Variants in RDH10 observed in about 807,000 individuals in gnomAD.
RDH10 encodes the protein retinol dehydrogenase 10.
Under a neutral mutation model 30.2 loss-of-function variants are expected in RDH10, and 12 were observed. The ratio of observed to expected loss-of-function variants is 0.40; its 90% CI spans 0.25 to 0.64. RDH10 has a LOEUF of 0.64. Ranked by LOEUF, RDH10 falls within the 30% of genes least tolerant of loss-of-function variation. The pLI, the probability that RDH10 is intolerant of heterozygous loss-of-function variation, is 0.43. For missense variants in RDH10, 268 were observed against 445.2 expected, an observed-to-expected ratio of 0.60 and a Z score of 3.58; for synonymous variants, 189 against 172.2, an observed-to-expected ratio of 1.10 and a Z score of -0.76.
At chr8:73,300,187 A>C (rs1814351108) in intron 2 of RDH10, among the ~76,000 whole-genome samples, 1 of 152,226 alleles carries the variant, frequency 6.6e-6, no homozygotes, top group Admixed American at 6.5e-5. Context: ...TGAGTCAGAA[A>C]ATTCATTTTA....
At position 73,294,958 on chromosome 8, in the gene RDH10, A is replaced by C. The variant is rs1399707738; in HGVS notation, c.-332A>C. 7.7e-6 allele frequency: 3 copies of C among 391,800 alleles called. No individual in the cohort carries two copies. The highest frequency in any genetic ancestry group is 6.2e-5 in the African/African-American group (3 of 48,188). The allele number at this position is 391,800 out of a possible 1,614,324, so 24.3% of individuals were successfully genotyped here. The stretch of plus-strand genomic sequence containing the variant: ...GCCATGAGGGCAGTTCGAGTAGTCT[A>C]ACTCGCGGCTGTCACCGCCACTGCA... On this transcript the variant is annotated 5_prime_UTR_variant, in exon 1 of 6. The change abolishes the stop of an existing upstream ORF in the 5' untranslated region. Transcript: ENST00000240285.
In RDH10 at chr8:73,297,426, C is replaced by T; in HGVS notation, c.522C>T (p.Phe174=). ...RTMMVNCHAH[F]WTTKAFLPTM... ...TGATGGTCAATTGCCATGCACACTT[C>T]TGGGTAAATATAAACATCCTTGTTT... Residue 174 remains phenylalanine, a synonymous_variant, in exon 2 of 6, where the codon TTC becomes TTT. Transcript: ENST00000240285. The T allele has an allele frequency of 6.3e-7, 1 of 1,597,882 alleles. No homozygotes were observed. Among genetic ancestry groups the T allele is most frequent in the Admixed American group, 1.7e-5 (1 of 60,018 alleles).
In RDH10 at chr8:73,324,174, C is replaced by T. The variant is rs1814824397; in HGVS notation, c.*1138C>T. The T allele has an allele frequency of 6.6e-6, 1 of 152,590 alleles. No homozygotes were observed. Among genetic ancestry groups the T allele is most frequent in the Non-Finnish European group, 1.5e-5 (1 of 68,016 alleles). The allele number at this position is 152,590 out of a possible 1,614,324, so 9.5% of individuals were successfully genotyped here. On this transcript the variant is annotated 3_prime_UTR_variant, in exon 6 of 6. Coordinates refer to ENST00000240285, the MANE Select transcript of RDH10 (RefSeq NM_172037.5). ...AATGGGAACTTCTACATTGAAAAGT[C>T]CCCATTTTTGTGCCAACTATGATTA...
chr8:73,302,751 C>T (rs1814401528), intron 2 of RDH10, among the ~76,000 whole-genome samples: 1 of 152,216 alleles, frequency 6.6e-6, no homozygotes, highest in African/African-American at 2.4e-5. Context: ...GGTCTCCATG[C>T]AAACCCATGT....
intron 4 of RDH10, chr8:73,321,871 C>T (rs1388707847): frequency 2.2e-6 from 1 of 456,132 alleles, no homozygotes; most frequent in Non-Finnish European, 4.4e-6. Flanking sequence ...ATTTGAATCA[C>T]TCCAAAGTCA....
rs1814238931 is a variant in RDH10 at position 73,295,245 on chromosome 8, G to A, written c.-45G>A. ...AGCCCGATTGCCGGGCTCGGGGTGG[G>A]CGCGGACGCAGGCACTGGGCTCGTG... is the stretch of plus-strand genomic sequence containing the variant. On this transcript the variant is annotated 5_prime_UTR_variant, in exon 1 of 6. Transcript: ENST00000240285. The A allele has an allele frequency of 1.2e-5, 18 of 1,497,114 alleles. No homozygotes were observed. The highest frequency in any genetic ancestry group is 1.6e-5 in the Non-Finnish European group (18 of 1,126,808). 92.7% of individuals were successfully genotyped at this position (1,497,114 alleles called of 1,614,324 possible).
intron 2 of RDH10, chr8:73,312,899 G>A (rs900461699): frequency 6.6e-6 from 1 of 152,186 alleles, no homozygotes; most frequent in African/African-American, 2.4e-5. Flanking sequence ...TTTAAAAGAT[G>A]CCTTTTCTTG....
chr8:73,305,713 G>A (rs1276260570), intron 2 of RDH10, among the ~76,000 whole-genome samples: 2 of 152,174 alleles, frequency 1.3e-5, no homozygotes, highest in Non-Finnish European at 2.9e-5. Flanking sequence ...AGTTCCACTA[G>A]GGGGTGTACT....
Position 73,297,367 on chromosome 8 carries a change from C to T in RDH10, c.463C>T (p.Leu155=), listed in dbSNP as rs1206180050. Residue 155 remains leucine (L), a synonymous_variant, in exon 2 of 6, where the codon CTG becomes TTG. Coordinates refer to ENST00000240285, the MANE Select transcript of RDH10 (RefSeq NM_172037.5). ...NAGVVSGHHL[L]ECPDELIERT... ...TGGTGTGGTCTCTGGGCATCACCTT[C>T]TGGAATGTCCTGATGAGCTCATTGA... is the stretch of plus-strand genomic sequence containing the variant. 2 of 1,614,152 alleles carry T rather than the reference C, an allele frequency of 1.2e-6. No homozygotes were observed. Among genetic ancestry groups the T allele is most frequent in the South Asian group, 2.2e-5 (2 of 91,086 alleles).
At position 73,297,444 on chromosome 8, in the gene RDH10, C is replaced by T. The variant is rs761180561; in HGVS notation, c.525+15C>T. On this transcript the variant is annotated intron_variant, in intron 2 of 5. Transcript: ENST00000240285. ...CACACTTCTGGGTAAATATAAACAT[C>T]CTTGTTTTCTTTGCTGGGCCCTCCT... 9.6e-6 allele frequency: 15 copies of T among 1,563,448 alleles called. No individual in the cohort carries two copies. The highest frequency in any genetic ancestry group is 7.8e-5 in the South Asian group (7 of 89,944).
intron 3 of RDH10, among the ~76,000 whole-genome samples, chr8:73,319,617 A>C (rs1316543386): frequency 6.6e-6 from 1 of 152,272 alleles, no homozygotes; most frequent in Non-Finnish European, 1.5e-5. Flanking sequence ...CAAGAAAAGT[A>C]GATGGGCCAG....
At chr8:73,316,406 T>C (rs1814665454) in intron 2 of RDH10, among the ~76,000 whole-genome samples, 1 of 152,236 alleles carries the variant, frequency 6.6e-6, no homozygotes, top group Non-Finnish European at 1.5e-5. Context: ...GTATAAATTA[T>C]AGAGCCTAAA....
rs981354595 is a variant in RDH10, at chr8:73,323,343, A to C, written c.*307A>C. Reference sequence around the variant, plus strand: ...ATTTTTTAATGAGCAGGAAGTCTAGAAATGATAACTAGACTGTATGTTTCA... The same window carrying C: ...ATTTTTTAATGAGCAGGAAGTCTAGCAATGATAACTAGACTGTATGTTTCA... On this transcript the variant is annotated 3_prime_UTR_variant, in exon 6 of 6. Transcript: ENST00000240285. 3.1e-4 allele frequency: 79 copies of C among 257,198 alleles called. 1 individual carries two copies. The highest frequency in any genetic ancestry group is 4.1e-4 in the Admixed American group (9 of 21,860). 15.9% of individuals were successfully genotyped at this position (257,198 alleles called of 1,614,324 possible).
At chr8:73,297,134 C>T in intron 1 of RDH10, 60 bp from the exon 2 acceptor site, 1 of 958,450 alleles carries the variant, frequency 1.0e-6, no homozygotes, top group Non-Finnish European at 1.7e-6. Context: ...CCATGTGACT[C>T]ACTTTCTGCA....
At position 73,295,582 on chromosome 8, in the gene RDH10, A is replaced by G; in HGVS notation, c.289+4A>G. 6.7e-7 allele frequency: 1 copy of G among 1,496,332 alleles called. No homozygotes were observed. Among genetic ancestry groups the G allele is most frequent in the Non-Finnish European group, 8.9e-7 (1 of 1,124,648 alleles). The allele number at this position is 1,496,332 out of a possible 1,614,324, so 92.7% of individuals were successfully genotyped here. Reference sequence around the variant, plus strand: ...GCCGACGCCGCTGCGCTGCAAGGTAACCTGGACCCGCGCGGGAGCATTGTT... The same window carrying G: ...GCCGACGCCGCTGCGCTGCAAGGTAGCCTGGACCCGCGCGGGAGCATTGTT... On this transcript the variant is annotated splice_donor_region_variant and intron_variant, in intron 1 of 5. Transcript: ENST00000240285.
chr8:73,298,410 T>G (rs1445828564), intron 2 of RDH10, among the ~76,000 whole-genome samples: 7 of 152,258 alleles, frequency 4.6e-5, no homozygotes, highest in Non-Finnish European at 1.0e-4. Context: ...GCTTAAAAAC[T>G]TAATCTGGCA....
chr8:73,296,690 G>A (rs1461344458), intron 1 of RDH10, among the ~76,000 whole-genome samples: 1 of 152,186 alleles, frequency 6.6e-6, no homozygotes, highest in Non-Finnish European at 1.5e-5. Flanking sequence ...ATTAAAAATT[G>A]TGGATTCATT....
intron 2 of RDH10, among the ~76,000 whole-genome samples, chr8:73,314,155 C>T (rs1414699467): frequency 6.6e-6 from 1 of 152,150 alleles, no homozygotes; most frequent in Non-Finnish European, 1.5e-5. Context: ...GTCTCTATCT[C>T]ATACATGCTA....
At chr8:73,309,665 T>C (rs1814529683) in intron 2 of RDH10, among the ~76,000 whole-genome samples, 1 of 150,732 alleles carries the variant, frequency 6.6e-6, no homozygotes, top group Admixed American at 6.7e-5. Context: ...ACCTGGAAAA[T>C]GTCATTACAA....
Sources: gnomAD v4.1 joint callset for allele counts (sites outside exome capture counted in the v4.1 genomes callset) on GRCh38, gnomAD v4.1.1 for gene constraint, MANE v1.5 for transcripts, NCBI Gene and HGNC (gene_info 2026-07-23, HGNC 2026-07-21) for gene names.